The following RTN4 variants were observed in gnomAD, a reference collection of about 807,000 sequenced individuals.
RTN4 encodes reticulon 4.
A neutral mutation model predicts 90.4 loss-of-function variants in RTN4; 32 were observed. The ratio of observed to expected loss-of-function variants is 0.35; its 90% CI spans 0.27 to 0.48. RTN4 has a LOEUF of 0.48. RTN4 is among the 20% of genes least tolerant of loss of function. The pLI is 0.99. For synonymous variants in RTN4, 629 were observed against 552.5 expected (o/e 1.14, Z -1.94); for missense variants, 1,706 against 1,430.2 (o/e 1.19, Z -3.11).
chr2:55,038,781 T>C (rs1003849194), intron 1 of RTN4, among the ~76,000 whole-genome samples: 4 of 152,226 alleles, frequency 2.6e-5, no homozygotes, highest in African/African-American at 4.8e-5. Flanking sequence ...AATGAAAATA[T>C]ATGCATACAA....
At chr2:55,056,893 A>G (rs1668199740) in intron 2 of RTN4, among the ~76,000 whole-genome samples, 1 of 152,186 alleles carries the variant, frequency 6.6e-6, no homozygotes, top group African/African-American at 2.4e-5. Context: ...AAATTTTACA[A>G]TGGAGAATCA....
intron 3 of RTN4, among the ~76,000 whole-genome samples, chr2:54,999,851 C>A (rs1052902805): frequency 6.6e-6 from 1 of 152,086 alleles, no homozygotes; most frequent in Non-Finnish European, 1.5e-5. Context: ...AACTGACAGG[C>A]GAAGGTCCAC....
chr2:55,037,493 G>A (rs894921455), intron 1 of RTN4, among the ~76,000 whole-genome samples: 2 of 152,174 alleles, frequency 1.3e-5, no homozygotes, highest in African/African-American at 4.8e-5. Context: ...CCTGCTACAG[G>A]TGCAGATCTC....
chr2:55,058,497 G>A (rs1573488361), intron 2 of RTN4, among the ~76,000 whole-genome samples: 1 of 152,312 alleles, frequency 6.6e-6, no homozygotes. Flanking sequence ...GCCACTTTCA[G>A]GCTTGTCTAT....
rs568821596 is a variant in RTN4 at position 55,007,392 on chromosome 2, C to A, written c.3013+17694G>T. ...AACTGCTATCATTTACCATTCCCTA[C>A]TTTAAAACTTCCAAATCCTTTTTAT... On this transcript the variant is annotated intron_variant, in intron 3 of 8. Coordinates refer to ENST00000337526, the MANE Select transcript of RTN4 (RefSeq NM_020532.5). Among the ~76,000 whole-genome samples, 11 of 152,278 alleles carry A rather than the reference C, an allele frequency of 7.2e-5. No homozygotes were observed. The South Asian group carries it at 1.9e-3, about 26-fold the overall frequency.
chr2:55,049,021 G>T, intron 1 of RTN4: 1 of 805,314 alleles, frequency 1.2e-6, no homozygotes, highest in South Asian at 5.6e-5. Context: ...GCTCGGTTTA[G>T]CTGGTGGGGA....
upstream of RTN4, among the ~76,000 whole-genome samples, chr2:55,051,259 TAAGAGAG>T (rs2104989815): frequency 6.6e-6 from 1 of 152,044 alleles, no homozygotes; most frequent in South Asian, 2.1e-4. Context: ...TCTTACATGG[TAAGAGAG>T]TGAGTCACCC....
chr2:55,040,548 T>C (rs978873537), intron 1 of RTN4, among the ~76,000 whole-genome samples: 5 of 152,092 alleles, frequency 3.3e-5, no homozygotes, highest in East Asian at 1.9e-4. Context: ...ACCTACAAAG[T>C]TGGGGAGAAA....
At chr2:55,106,140 G>C (rs1191147568) in intron 1 of RTN4, among the ~76,000 whole-genome samples, 1 of 151,926 alleles carries the variant, frequency 6.6e-6, no homozygotes, top group Non-Finnish European at 1.5e-5. Flanking sequence ...TTGGTATTCG[G>C]TTTGTTATAT....
chr2:55,097,211 A>T (rs2105051587), intron 1 of RTN4, among the ~76,000 whole-genome samples: 1 of 150,968 alleles, frequency 6.6e-6, no homozygotes, highest in African/African-American at 2.4e-5. Flanking sequence ...GTGATAAAGG[A>T]GGATTGCTTG....
At chr2:55,064,054 C>T (rs983147356) in intron 2 of RTN4, among the ~76,000 whole-genome samples, 9 of 151,634 alleles carry the variant, frequency 5.9e-5, no homozygotes, top group African/African-American at 2.2e-4. Context: ...GACCCTCTCT[C>T]CTCAAAAAAA....
the RTN4 span, among the ~76,000 whole-genome samples, chr2:55,118,477 C>T: frequency 1.3e-5 from 2 of 151,914 alleles, no homozygotes; most frequent in African/African-American, 2.4e-5. Flanking sequence ...AAAAAAAAGA[C>T]ACCCAGGAAG....
At position 55,025,764 on chromosome 2, in the gene RTN4, T is replaced by G; in HGVS notation, c.2335A>C (p.Met779Leu). Reference sequence around the variant, plus strand: ...TTTTCCTTATTTTCATATTCTATCATTGACTCAAATGAAGTCTCAGTGAGA... The same window carrying G: ...TTTTCCTTATTTTCATATTCTATCAGTGACTCAAATGAAGTCTCAGTGAGA... ...ESLTETSFES[M>L]IEYENKEKLS... The change falls in exon 3 of 9, where the codon ATG becomes CTG. Residue 779 changes from methionine to leucine, a missense_variant. Physicochemically the swap from Met to Leu is conservative, Grantham distance 15. Coordinates refer to ENST00000337526, the MANE Select transcript of RTN4 (RefSeq NM_020532.5). 1 of 1,613,498 alleles carries G rather than the reference T, an allele frequency of 6.2e-7. No individual in the cohort carries two copies. Among genetic ancestry groups the G allele is most frequent in the Non-Finnish European group, 8.5e-7 (1 of 1,179,768 alleles).
intron 1 of RTN4, among the ~76,000 whole-genome samples, chr2:55,109,005 T>A (rs528692828): frequency 7.2e-5 from 11 of 152,252 alleles, no homozygotes; most frequent in African/African-American, 2.4e-4. Context: ...CAGGCTCAGC[T>A]GGACACGTCT....
At chr2:54,981,790 C>T (rs918878203) in intron 5 of RTN4, among the ~76,000 whole-genome samples, 1 of 152,168 alleles carries the variant, frequency 6.6e-6, no homozygotes, top group Non-Finnish European at 1.5e-5. Context: ...AAGAAAGAGT[C>T]CAAGATATGA....
At chr2:55,098,691 A>T (rs1031495576) in intron 1 of RTN4, among the ~76,000 whole-genome samples, 1 of 152,138 alleles carries the variant, frequency 6.6e-6, no homozygotes, top group Non-Finnish European at 1.5e-5. Context: ...TTAAGATCCA[A>T]ATAAGGTCCA....
chr2:55,030,009 C>T (rs965015588), intron 1 of RTN4, among the ~76,000 whole-genome samples: 2 of 152,112 alleles, frequency 1.3e-5, no homozygotes, highest in Admixed American at 6.6e-5. Flanking sequence ...AATAATTACG[C>T]AGCTGCTCCA....
intron 1 of RTN4, among the ~76,000 whole-genome samples, chr2:55,095,125 T>G (rs933432583): frequency 2.6e-5 from 4 of 151,972 alleles, no homozygotes; most frequent in African/African-American, 9.7e-5. Context: ...GAGTTCGAGA[T>G]CAGCCTGGCC....
chr2:55,046,177 C>T (rs1330193352), intron 1 of RTN4, among the ~76,000 whole-genome samples: 2 of 152,230 alleles, frequency 1.3e-5, no homozygotes, highest in Non-Finnish European at 2.9e-5. Flanking sequence ...TCTAACCCTG[C>T]TCTGCACATT....
Sources: allele counts gnomAD v4.1 joint callset (sites outside exome capture counted in the v4.1 genomes callset), GRCh38; gene constraint gnomAD v4.1.1; transcripts MANE v1.5; gene names NCBI Gene and HGNC (gene_info 2026-07-23, HGNC 2026-07-21).